The following PCIF1 variants were observed in gnomAD, a reference collection of about 807,000 sequenced individuals.
PCIF1 encodes the protein phosphorylated CTD interacting factor 1.
Under a neutral mutation model 86.9 loss-of-function variants are expected in PCIF1, and 12 were observed. The observed-to-expected ratio is 0.14, with a 90% CI of 0.09 to 0.22. The LOEUF (loss-of-function observed/expected upper bound fraction) is 0.22, where lower values mean the gene tolerates loss of function less well. PCIF1 is among the 10% of genes least tolerant of loss of function. The pLI is 1.00. For synonymous variants in PCIF1, 397 were observed against 372.0 expected (o/e 1.07, Z -0.77); for missense variants, 701 against 951.1 (o/e 0.74, Z 3.46).
In PCIF1 at chr20:45,947,208, T is replaced by C. The variant is rs2083537048; in HGVS notation, c.1707+42T>C. 1.2e-6 allele frequency: 2 copies of C among 1,600,818 alleles called. No homozygotes were observed. The highest frequency in any genetic ancestry group is 1.7e-5 in the Admixed American group (1 of 59,598). ...GGTGAGAGGTGGGCAACAGGCAGGA[T>C]TGCCAGCCACCTGGGAGGTAGTCCC... On this transcript the variant is annotated intron_variant, in intron 15 of 16. Coordinates refer to ENST00000372409, the MANE Select transcript of PCIF1 (RefSeq NM_022104.4). This position sits in a 1 kb window ranked among gnomAD's most constrained non-coding sequence, Gnocchi z 5.4.
rs972081381 is a variant in PCIF1, at chr20:45,941,111, G to C, written c.577G>C (p.Glu193Gln). The change falls in exon 7 of 17, where the codon GAG becomes CAG. Residue 193 changes from glutamate (E) to glutamine (Q), a missense_variant. Coordinates refer to ENST00000372409, the MANE Select transcript of PCIF1 (RefSeq NM_022104.4). ...NAVIKHRGPSEVLPPHPEVEL... is the reference protein window; with the variant it reads ...NAVIKHRGPSQVLPPHPEVEL... ...TGTCATCAAGCACCGGGGGCCTTCA[G>C]AGGTGCTGCCCCCGCATCCCGAAGT... 7 of 1,614,112 alleles carry C rather than the reference G, an allele frequency of 4.3e-6. No homozygotes were observed. In the African/African-American group the frequency reaches 9.3e-5, roughly 22 times the overall value.
chr20:45,940,240 G>A (rs2083457994), intron 4 of PCIF1, among the ~76,000 whole-genome samples: 2 of 152,210 alleles, frequency 1.3e-5, no homozygotes, highest in Admixed American at 1.3e-4. Flanking sequence ...CAGTGGTGAT[G>A]TAGGGATTAG....
rs1364044742 is a variant in PCIF1 at position 45,947,149 on chromosome 20, A to G, written c.1690A>G (p.Met564Val). The change falls in exon 15 of 17, where the codon ATG (methionine) becomes GTG (valine). Residue 564 changes from methionine to valine, a missense_variant. Physicochemically the swap from Met to Val is conservative, Grantham distance 21. Coordinates refer to ENST00000372409, the MANE Select transcript of PCIF1 (RefSeq NM_022104.4). The surrounding 1 kb of genome is among the most constrained non-coding windows in gnomAD (Gnocchi z 5.4). Reference sequence around the variant, plus strand: ...CTTCTGCGAGGAGCTCATGGATGCCATGGTCTCTCACTTTGAGGTGGGTGC... The same window carrying G: ...CTTCTGCGAGGAGCTCATGGATGCCGTGGTCTCTCACTTTGAGGTGGGTGC... ...PPFCEELMDAMVSHFERLLES... is the reference protein window; with the variant it reads ...PPFCEELMDAVVSHFERLLES... 2.5e-6 allele frequency: 4 copies of G among 1,613,306 alleles called. No homozygotes were observed. The East Asian group carries it at 6.7e-5, about 27-fold the overall frequency.
chr20:45,934,989 G>C (rs1335823572), intron 1 of PCIF1, among the ~76,000 whole-genome samples, 185 bp downstream of exon 1: 1 of 152,002 alleles, frequency 6.6e-6, no homozygotes, highest in Non-Finnish European at 1.5e-5. Context: ...GAGGGAGGTG[G>C]GCCCGGAGAG....
At position 45,943,180 on chromosome 20, in the gene PCIF1, A is replaced by G; in HGVS notation, c.757A>G (p.Ser253Gly). ...VDKGSDPLLP[S>G]NCEPVVSPSM... ...CAAAGGATCTGACCCCCTGTTGCCC[A>G]GCAACTGTGAACCAGTCGTGTCACC... The change falls in exon 8 of 17, where the codon AGC (serine) becomes GGC (glycine). Residue 253 changes from serine (S) to glycine (G), a missense_variant. Around this residue, in one of 7 missense-constraint regions of PCIF1, gnomAD observed 129 missense variants for 245.9 expected, o/e 0.52. Transcript: ENST00000372409. The surrounding 1 kb of genome is among the most constrained non-coding windows in gnomAD (Gnocchi z 5.5). 1.2e-6 allele frequency: 2 copies of G among 1,614,172 alleles called. No individual in the cohort carries two copies. Among genetic ancestry groups the G allele is most frequent in the Non-Finnish European group, 1.7e-6 (2 of 1,180,038 alleles).
At chr20:45,942,274 C>A (rs1229163772) in intron 7 of PCIF1, among the ~76,000 whole-genome samples, 1 of 146,922 alleles carries the variant, frequency 6.8e-6, no homozygotes, top group Non-Finnish European at 1.5e-5. Flanking sequence ...GCACCCGGCC[C>A]ACCCTTTTTT....
chr20:45,947,347 C>G lies in PCIF1; in HGVS notation c.1792C>G (p.Arg598Gly), dbSNP rs144987485. ...WREPPTPALTRMEQSRFKRHQ... is the reference protein window; with the variant it reads ...WREPPTPALTGMEQSRFKRHQ... ...GGAACCCCCAACACCAGCGCTCACCCGCATGGAGCAGAGCCGCTTCAAACG... is the reference window on the plus strand; with the variant it reads ...GGAACCCCCAACACCAGCGCTCACCGGCATGGAGCAGAGCCGCTTCAAACG... Residue 598 changes from arginine (R) to glycine (G), a missense_variant, in exon 16 of 17, where the codon CGC (arginine) becomes GGC (glycine). Transcript: ENST00000372409. This position sits in a 1 kb window ranked among gnomAD's most constrained non-coding sequence, Gnocchi z 5.4. 6.2e-7 allele frequency: 1 copy of G among 1,614,032 alleles called. No homozygotes were observed. Among genetic ancestry groups the G allele is most frequent in the South Asian group, 1.1e-5 (1 of 91,086 alleles).
At chr20:45,934,844 G>C (rs943732973) in intron 1 of PCIF1, 40 bp downstream of exon 1, 8 of 398,064 alleles carry the variant, frequency 2.0e-5, no homozygotes, top group Non-Finnish European at 3.5e-5. Context: ...AGCGAGCCGC[G>C]CCAGGGTCTG....
In PCIF1 at chr20:45,943,544, C is replaced by G; in HGVS notation, c.905+121C>G. On this transcript the variant is annotated intron_variant, in intron 9 of 16. Coordinates refer to ENST00000372409, the MANE Select transcript of PCIF1 (RefSeq NM_022104.4). The surrounding 1 kb of genome is among the most constrained non-coding windows in gnomAD (Gnocchi z 5.5). Reference sequence around the variant, plus strand: ...CTCGGTGGCAGAAGTGGGGCCAGCTCCCAAAGGCAGAACAAGGGCTGTGAT... The same window carrying G: ...CTCGGTGGCAGAAGTGGGGCCAGCTGCCAAAGGCAGAACAAGGGCTGTGAT... 1 of 1,346,934 alleles carries G rather than the reference C, an allele frequency of 7.4e-7. No homozygotes were observed. Among genetic ancestry groups the G allele is most frequent in the Non-Finnish European group, 1.0e-6 (1 of 971,110 alleles). 83.4% of individuals were successfully genotyped at this position (1,346,934 alleles called of 1,614,324 possible). A position where few individuals can be genotyped will look rare whatever the true frequency, so the allele number is the denominator to read the frequency against.
At chr20:45,939,435 TG>T in intron 4 of PCIF1, 96 bp downstream of exon 4, 1 of 1,533,514 alleles carries the variant, frequency 6.5e-7, no homozygotes, top group South Asian at 1.2e-5. Context: ...TGCCCAGCCC[TG>T]TGCTGGCACC....
rs2083490767 is a variant in PCIF1 at position 45,943,185 on chromosome 20, CTG to C, written c.765_766del (p.Cys255Ter). The stretch of plus-strand genomic sequence containing the variant: ...GATCTGACCCCCTGTTGCCCAGCAA[CTG>C]TGAACCAGTCGTGTCACCTTCCATG... ...KGSDPLLPSNCEPVVSPSMFR... is the reference protein window; with the variant it reads ...KGSDPLLPSNXEPVVSPSMFR... On this transcript the variant is annotated frameshift_variant, in exon 8 of 17. Coordinates refer to ENST00000372409, the MANE Select transcript of PCIF1 (RefSeq NM_022104.4). LOFTEE classifies it high-confidence loss of function. The surrounding 1 kb of genome is among the most constrained non-coding windows in gnomAD (Gnocchi z 5.5). 2 of 1,614,066 alleles carry C rather than the reference CTG, an allele frequency of 1.2e-6. No individual in the cohort carries two copies. The highest frequency in any genetic ancestry group is 2.2e-5 in the East Asian group (1 of 44,900).
chr20:45,935,478 T>G (rs1445309936), intron 1 of PCIF1, among the ~76,000 whole-genome samples: 1 of 152,112 alleles, frequency 6.6e-6, no homozygotes, highest in Non-Finnish European at 1.5e-5. Flanking sequence ...GACGTTAACT[T>G]AAGAGCAGTT....
At chr20:45,934,865 G>A (rs2083402687) in intron 1 of PCIF1, 61 bp downstream of exon 1, 2 of 397,904 alleles carry the variant, frequency 5.0e-6, no homozygotes, top group Admixed American at 8.8e-5. Flanking sequence ...GGGATCCGAA[G>A]CTGGGGGGCG....
intron 7 of PCIF1, among the ~76,000 whole-genome samples, chr20:45,942,136 C>G (rs1168685775): frequency 2.0e-5 from 3 of 150,366 alleles, no homozygotes; most frequent in Admixed American, 2.0e-4. Context: ...CCACCACGCC[C>G]AGCTAATTTT....
chr20:45,940,696 G>A (rs1165122975), intron 5 of PCIF1, 84 bp downstream of exon 5: 2 of 1,570,908 alleles, frequency 1.3e-6, no homozygotes, highest in East Asian at 4.5e-5. Context: ...GCTGGGCATT[G>A]GCAGGCCAGC....
intron 4 of PCIF1, 83 bp from the exon 5 acceptor site, chr20:45,940,392 G>A: frequency 1.4e-6 from 2 of 1,455,070 alleles, no homozygotes; most frequent in South Asian, 1.4e-5. Flanking sequence ...TAGGAGCAGG[G>A]GTGGGAGGGC....
chr20:45,945,824 G>A lies in PCIF1; in HGVS notation c.1282G>A (p.Val428Ile), dbSNP rs755665719. Reference sequence around the variant, plus strand: ...GGAGATGCACATGGAGAACAACGTGGTCTGCATCCGGTATAAGGGAGAGAT... The same window carrying A: ...GGAGATGCACATGGAGAACAACGTGATCTGCATCCGGTATAAGGGAGAGAT... Reference protein sequence around the residue: ...SVEMHMENNVVCIRYKGEMVK... With the variant: ...SVEMHMENNVICIRYKGEMVK... The change falls in exon 12 of 17, where the codon GTC (valine) becomes ATC (isoleucine). Residue 428 changes from valine (V) to isoleucine (I), a missense_variant. This residue lies in a region of PCIF1 where 121 missense variants were observed against 131.7 expected (regional missense o/e 0.92). Coordinates refer to ENST00000372409, the MANE Select transcript of PCIF1 (RefSeq NM_022104.4). 2 of 1,613,844 alleles carry A rather than the reference G, an allele frequency of 1.2e-6. No individual in the cohort carries two copies. Among genetic ancestry groups the A allele is most frequent in the Admixed American group, 3.3e-5 (2 of 60,028 alleles).
intron 4 of PCIF1, 121 bp downstream of exon 4, chr20:45,939,460 ACAAG>A (rs1247015771): frequency 7.1e-7 from 1 of 1,402,112 alleles, no homozygotes; most frequent in Non-Finnish European, 9.7e-7. Context: ...AGATACAATG[ACAAG>A]CAAGACAGAC....
intron 14 of PCIF1, 61 bp downstream of exon 14, chr20:45,946,445 C>T: frequency 6.4e-7 from 1 of 1,552,074 alleles, no homozygotes; most frequent in Non-Finnish European, 8.8e-7. Flanking sequence ...GAGCACAGGG[C>T]CCGCCTCTGC....
Sources: allele counts gnomAD v4.1 joint callset (sites outside exome capture counted in the v4.1 genomes callset), GRCh38; gene constraint gnomAD v4.1.1; regional missense constraint gnomAD v4.1.1; non-coding constraint Gnocchi (gnomAD v3.1); transcripts MANE v1.5; gene names NCBI Gene and HGNC (gene_info 2026-07-23, HGNC 2026-07-21).